Variants in GDAP2 observed in about 807,000 individuals in gnomAD.
GDAP2 encodes the protein ganglioside-induced differentiation-associated protein 2.
A neutral mutation model predicts 67.0 loss-of-function variants in GDAP2; 51 were observed. The ratio of observed to expected loss-of-function variants is 0.76; its 90% confidence interval spans 0.61 to 0.96. GDAP2 has a LOEUF of 0.96. Ranked by LOEUF, GDAP2 falls within the 40% of genes least tolerant of loss-of-function variation. The pLI, the probability that GDAP2 is intolerant of heterozygous loss-of-function variation, is 0.00. For missense variants in GDAP2, 547 were observed against 588.3 expected (o/e 0.93, Z 0.73); for synonymous variants, 203 against 207.3 (o/e 0.98, Z 0.18).
Position 117,899,106 on chromosome 1 carries a change from C to T in GDAP2, c.747G>A (p.Val249=). The T allele has an allele frequency of 6.2e-7, 1 of 1,613,014 alleles. No individual in the cohort carries two copies. Among genetic ancestry groups the T allele is most frequent in the East Asian group, 2.2e-5 (1 of 44,870 alleles). The change falls in exon 7 of 14, where the codon GTG becomes GTA. Residue 249 remains valine (V), a synonymous_variant. Coordinates refer to ENST00000369443, the MANE Select transcript of GDAP2 (RefSeq NM_017686.4). The part of the protein sequence containing the change: ...ADIGNAEGEP[V]VPERQIRISE... ...TTATTCTAATCTGTCGTTCAGGTAC[C>T]ACAGGCTCCCCTTCTGCATTTCCAA... is the stretch of plus-strand genomic sequence containing the variant.
chr1:117,912,636 C>T lies in GDAP2; in HGVS notation c.364G>A (p.Ala122Thr), dbSNP rs1358003309. Reference protein sequence around the residue: ...AKLTKGFNLAARFIIHTVGPK... With the variant: ...AKLTKGFNLATRFIIHTVGPK... ...CCCACTGTGTGAATGATGAACCGGG[C>T]AGCTAGATTGAATCCTTTTGTCAAT... is the stretch of plus-strand genomic sequence containing the variant. The change falls in exon 4 of 14, where the codon GCC becomes ACC. Residue 122 changes from alanine (A) to threonine (T), a missense_variant. Physicochemically the swap from Ala to Thr is moderately conservative, Grantham distance 58 (BLOSUM62 0). Transcript: ENST00000369443. 6.2e-7 allele frequency: 1 copy of T among 1,613,462 alleles called. No individual in the cohort carries two copies. The highest frequency in any genetic ancestry group is 1.1e-5 in the South Asian group (1 of 91,056).
intron 7 of GDAP2, among the ~76,000 whole-genome samples, chr1:117,897,848 T>C (rs1039633996): frequency 6.6e-6 from 1 of 152,222 alleles, no homozygotes; most frequent in Admixed American, 6.5e-5. Context: ...AAGGGCCTGC[T>C]TTCATTAAAA....
intron 1 of GDAP2, among the ~76,000 whole-genome samples, chr1:117,922,210 A>G (rs145259489): frequency 6.2e-4 from 94 of 152,332 alleles, no homozygotes; most frequent in African/African-American, 2.2e-3. Context: ...ATTTAAAGCT[A>G]TGGAAACTGG....
At position 117,898,986 on chromosome 1, in the gene GDAP2, C is replaced by T. The variant is rs973960207; in HGVS notation, c.796+71G>A. 11 of 1,135,988 alleles carry T rather than the reference C, an allele frequency of 9.7e-6. No homozygotes were observed. In the Admixed American group the frequency reaches 1.8e-4, roughly 19 times the overall value. The allele number at this position is 1,135,988 out of a possible 1,614,324, so 70.4% of individuals were successfully genotyped here. A position where few individuals can be genotyped will look rare whatever the true frequency, so the allele number is the denominator to read the frequency against. On this transcript the variant is annotated intron_variant, in intron 7 of 13. Transcript: ENST00000369443. ...TCCAAAGGTCAAGCTGAATTTCTTA[C>T]TTCTTTGGTGATTGGTGCCTATTTT...
chr1:117,907,645 A>G (rs1649703541), intron 5 of GDAP2, among the ~76,000 whole-genome samples: 1 of 152,116 alleles, frequency 6.6e-6, no homozygotes, highest in African/African-American at 2.4e-5. Context: ...AATAGTTCCC[A>G]TGACTTTTAA....
chr1:117,888,871 G>A (rs1648961748), intron 8 of GDAP2, among the ~76,000 whole-genome samples: 1 of 152,076 alleles, frequency 6.6e-6, no homozygotes, highest in Non-Finnish European at 1.5e-5. Flanking sequence ...AAGTACAATT[G>A]CACAACTGAA....
chr1:117,892,026 A>C (rs1462649263), intron 8 of GDAP2, among the ~76,000 whole-genome samples: 4 of 152,152 alleles, frequency 2.6e-5, no homozygotes, highest in African/African-American at 9.7e-5. Context: ...AGAAGTTTAT[A>C]GTTTACATCA....
At chr1:117,873,941 T>C (rs1557792997) in intron 13 of GDAP2, among the ~76,000 whole-genome samples, 1 of 152,190 alleles carries the variant, frequency 6.6e-6, no homozygotes, top group East Asian at 1.9e-4. Flanking sequence ...ACCTCATCTT[T>C]TCCCCCATGG....
chr1:117,888,237 A>G (rs1467719106), intron 8 of GDAP2, among the ~76,000 whole-genome samples: 2 of 152,172 alleles, frequency 1.3e-5, no homozygotes, highest in Non-Finnish European at 2.9e-5. Flanking sequence ...GCCTCCCTCA[A>G]GAAGTTCACT....
At chr1:117,874,350 CTTCT>C (rs1453733587) in intron 13 of GDAP2, among the ~76,000 whole-genome samples, 1 of 152,186 alleles carries the variant, frequency 6.6e-6, no homozygotes, top group Non-Finnish European at 1.5e-5. Flanking sequence ...ATGCCCCTTC[CTTCT>C]CTCTCTTGCT....
intron 13 of GDAP2, among the ~76,000 whole-genome samples, chr1:117,875,924 G>A (rs913110856): frequency 6.6e-6 from 1 of 152,154 alleles, no homozygotes; most frequent in Non-Finnish European, 1.5e-5. Flanking sequence ...CAGCTGTGAG[G>A]AACTTGCCTT....
intron 3 of GDAP2, among the ~76,000 whole-genome samples, chr1:117,914,501 C>A (rs1649978477): frequency 6.6e-6 from 1 of 151,778 alleles, no homozygotes; most frequent in African/African-American, 2.4e-5. Context: ...TCAGAGAGAA[C>A]AGAGAATACA....
chr1:117,883,441 A>T, intron 11 of GDAP2, 47 bp downstream of exon 11: 1 of 1,429,720 alleles, frequency 7.0e-7, no homozygotes, highest in Non-Finnish European at 9.8e-7. Flanking sequence ...TTAATATTAG[A>T]AAAGAAAGAA....
chr1:117,863,489 CT>C lies in GDAP2; in HGVS notation c.*7079del, dbSNP rs1481767696. The C allele has an allele frequency of 1.3e-5, 2 of 152,158 alleles. No individual in the cohort carries two copies. The highest frequency in any genetic ancestry group is 2.9e-5 in the Non-Finnish European group (2 of 68,026). 9.4% of individuals were successfully genotyped at this position (152,158 alleles called of 1,614,324 possible). A position where few individuals can be genotyped will look rare whatever the true frequency, so the allele number is the denominator to read the frequency against. On this transcript the variant is annotated 3_prime_UTR_variant, in exon 14 of 14. Transcript: ENST00000369443. ...ATAATGCTAAGTTGAGCCCAATGGT[CT>C]GAATATTCCTTTACTGTAGCACAAT... is the stretch of plus-strand genomic sequence containing the variant.
chr1:117,914,235 T>C (rs1358914203), intron 3 of GDAP2, among the ~76,000 whole-genome samples: 6 of 151,752 alleles, frequency 4.0e-5, no homozygotes, highest in African/African-American at 1.5e-4. Context: ...GCTCAAGAAA[T>C]AGACAACACA....
chr1:117,923,545 A>T (rs1650333398), intron 1 of GDAP2, among the ~76,000 whole-genome samples: 2 of 152,212 alleles, frequency 1.3e-5, no homozygotes, highest in African/African-American at 4.8e-5. Context: ...GGTAAGTTGG[A>T]GGTTGTTGGT....
intron 6 of GDAP2, among the ~76,000 whole-genome samples, chr1:117,905,690 T>C (rs924766380): frequency 1.3e-5 from 2 of 152,164 alleles, no homozygotes; most frequent in African/African-American, 4.8e-5. Context: ...AGCAAACCTG[T>C]TACATGCTAA....
chr1:117,923,931 T>C lies in GDAP2; in HGVS notation c.-67-3507A>G, dbSNP rs1650350717. 2.0e-5 allele frequency among the ~76,000 whole-genome samples: 3 copies of C among 152,244 alleles called. No individual in the cohort carries two copies. The South Asian group carries it at 6.2e-4, about 31-fold the overall frequency. ...AAGTCCCCCATCCAACCTTTCCTTT[T>C]CTGTAAAATTTATCTGCTGAAACTG... is the stretch of plus-strand genomic sequence containing the variant. On this transcript the variant is annotated intron_variant, in intron 1 of 13. Transcript: ENST00000369443.
rs538476294 is a variant in GDAP2 at position 117,915,544 on chromosome 1, A to T, written c.317-2861T>A. On this transcript the variant is annotated intron_variant, in intron 3 of 13. Transcript: ENST00000369443. ...GTAATTTCAGAAATTAAAAGGTGGA[A>T]TTCATTTGCTGAAGAAGGCAAATTG... 2.0e-5 allele frequency among the ~76,000 whole-genome samples: 3 copies of T among 152,336 alleles called. No homozygotes were observed. In the South Asian group the frequency reaches 6.2e-4, roughly 32 times the overall value.
Sources: gnomAD v4.1 joint callset for allele counts (sites outside exome capture counted in the v4.1 genomes callset) on GRCh38, gnomAD v4.1.1 for gene constraint, MANE v1.5 for transcripts, NCBI Gene and HGNC (gene_info 2026-07-23, HGNC 2026-07-21) for gene names.